PSME3: variants seen among roughly 807,000 people sequenced by gnomAD.
PSME3 encodes the protein proteasome activator subunit 3.
Under a neutral mutation model 38.3 loss-of-function variants are expected in PSME3, and 7 were observed. The observed-to-expected ratio is 0.18, with a 90% CI of 0.10 to 0.34. PSME3 has a LOEUF of 0.34. Ranked by LOEUF, PSME3 falls within the 10% of genes least tolerant of loss-of-function variation. PSME3 has a pLI of 1.00. For synonymous variants in PSME3, 108 were observed against 105.7 expected (o/e 1.02, Z -0.13); for missense variants, 192 against 307.6 (o/e 0.62, Z 2.81).
At chr17:42,834,125 G>T (rs573270808) in intron 1 of PSME3, 3 of 1,460,006 alleles carry the variant, frequency 2.1e-6, no homozygotes, top group Non-Finnish European at 2.7e-6. Flanking sequence ...AGGGAGGGAA[G>T]GGGGAGGACA....
At chr17:42,834,300 A>T (rs760737726) in intron 1 of PSME3, 44 bp from the exon 2 acceptor site, 1 of 1,613,622 alleles carries the variant, frequency 6.2e-7, no homozygotes, top group Admixed American at 1.7e-5. Context: ...TCCTGCTCTT[A>T]CCTCTGTCCC....
chr17:42,841,126 G>A (rs1193814532), intron 10 of PSME3, among the ~76,000 whole-genome samples: 4 of 137,000 alleles, frequency 2.9e-5, no homozygotes, highest in Non-Finnish European at 6.1e-5. Flanking sequence ...GAGCAAGACC[G>A]TGTCTCAAAA....
Position 42,842,545 on chromosome 17 carries a change from T to G in PSME3, c.*967T>G, listed in dbSNP as rs1216946362. On this transcript the variant is annotated 3_prime_UTR_variant, in exon 11 of 11. Transcript: ENST00000590720. ...GCCAGTTTTCAGTTGGGGTGAAGGT[T>G]TCTGCAAGTGTGAGGTCCAGATGCT... The G allele has an allele frequency of 1.3e-5, 2 of 152,912 alleles. No homozygotes were observed. The highest frequency in any genetic ancestry group is 2.9e-5 in the Non-Finnish European group (2 of 68,052). The allele number at this position is 152,912 out of a possible 1,614,324, so 9.5% of individuals were successfully genotyped here. A position where few individuals can be genotyped will look rare whatever the true frequency, so the allele number is the denominator to read the frequency against.
intron 4 of PSME3, among the ~76,000 whole-genome samples, chr17:42,837,102 A>T (rs928774908): frequency 6.6e-6 from 1 of 151,896 alleles, no homozygotes; most frequent in African/African-American, 2.4e-5. Flanking sequence ...CCCAGGCTGG[A>T]GTGCAGTGGT....
At chr17:42,836,157 A>C (rs1295489989) in intron 4 of PSME3, among the ~76,000 whole-genome samples, 2 of 151,830 alleles carry the variant, frequency 1.3e-5, no homozygotes, top group Non-Finnish European at 2.9e-5. Context: ...GGTGCACACC[A>C]CCACGCCCAG....
At chr17:42,834,286 T>G in intron 1 of PSME3, 58 bp from the exon 2 acceptor site, 1 of 1,612,266 alleles carries the variant, frequency 6.2e-7, no homozygotes, top group Non-Finnish European at 8.5e-7. Flanking sequence ...ATTGGGATTC[T>G]CCATCCTGCT....
intron 10 of PSME3, 24 bp from the exon 11 acceptor site, chr17:42,841,474 T>C: frequency 6.6e-7 from 1 of 1,503,958 alleles, no homozygotes. Context: ...AGATATGTGA[T>C]TCCCCTGATC....
chr17:42,839,070 C>T (rs770972368), intron 8 of PSME3, 42 bp from the exon 9 acceptor site: 1 of 1,594,040 alleles, frequency 6.3e-7, no homozygotes, highest in South Asian at 1.1e-5. Flanking sequence ...TGGGCACCAT[C>T]AAGGGTCTCC....
chr17:42,835,336 C>G (rs994190853), intron 4 of PSME3, among the ~76,000 whole-genome samples: 6 of 152,152 alleles, frequency 3.9e-5, no homozygotes, highest in African/African-American at 1.4e-4. Context: ...TGCACGGGGA[C>G]TCCAGTATAT....
intron 1 of PSME3, chr17:42,834,055 T>G (rs1454641506): frequency 2.8e-6 from 4 of 1,442,636 alleles, no homozygotes; most frequent in Non-Finnish European, 3.6e-6. Context: ...GCTCACATCT[T>G]CCCTAACTAC....
chr17:42,833,712 A>C lies in PSME3; in HGVS notation c.42+39A>C, dbSNP rs944073204. The stretch of plus-strand genomic sequence containing the variant: ...TCCGGCCTTTTTGCCCCTCGCTTTG[A>C]TCCCCCAGCAGTCTGACCGGCTTCC... On this transcript the variant is annotated intron_variant, in intron 1 of 10. Transcript: ENST00000590720. 4 of 1,613,990 alleles carry C rather than the reference A, an allele frequency of 2.5e-6. No homozygotes were observed. The Admixed American group carries it at 6.7e-5, about 27-fold the overall frequency.
intron 1 of PSME3, 118 bp downstream of exon 1, chr17:42,833,791 C>T (rs1327912469): frequency 1.9e-6 from 3 of 1,596,736 alleles, no homozygotes; most frequent in Non-Finnish European, 2.6e-6. Context: ...AGCTTCCGCT[C>T]GGCTCAGCCC....
intron 1 of PSME3, chr17:42,834,110 G>A: frequency 6.9e-7 from 1 of 1,455,522 alleles, no homozygotes; most frequent in Non-Finnish European, 9.0e-7. Flanking sequence ...TCAGACACAG[G>A]AGGAAGGGAG....
chr17:42,838,959 A>G lies in PSME3; in HGVS notation c.489A>G (p.Ala163=), dbSNP rs1270821983. 5.0e-6 allele frequency: 8 copies of G among 1,614,034 alleles called. No homozygotes were observed. Among genetic ancestry groups the G allele is most frequent in the Non-Finnish European group, 6.8e-6 (8 of 1,180,030 alleles). Residue 163 remains alanine, a synonymous_variant, in exon 8 of 11, where the codon GCA becomes GCG. Coordinates refer to ENST00000590720, the MANE Select transcript of PSME3 (RefSeq NM_005789.4). ...FGVSIQEETV[A]ELRTVESEAA... is the part of the protein sequence containing the mutation. ...GTTTGTTTTAGGAGGAAACAGTTGCAGAGCTAAGAACTGTTGAGAGTGAAG... is the reference window on the plus strand; with the variant it reads ...GTTTGTTTTAGGAGGAAACAGTTGCGGAGCTAAGAACTGTTGAGAGTGAAG...
Position 42,841,964 on chromosome 17 carries a change from A to T in PSME3, c.*386A>T. 6.3e-6 allele frequency: 1 copy of T among 158,580 alleles called. No homozygotes were observed. The highest frequency in any genetic ancestry group is 1.4e-5 in the Non-Finnish European group (1 of 71,782). 9.8% of individuals were successfully genotyped at this position (158,580 alleles called of 1,614,324 possible). A position where few individuals can be genotyped will look rare whatever the true frequency, so the allele number is the denominator to read the frequency against. On this transcript the variant is annotated 3_prime_UTR_variant, in exon 11 of 11. Coordinates refer to ENST00000590720, the MANE Select transcript of PSME3 (RefSeq NM_005789.4). ...TTAAAAGCTGAGGGAACCGGAAGGAAAGTGCTAGGTGTTTTTTAGGAACTA... is the reference window on the plus strand; with the variant it reads ...TTAAAAGCTGAGGGAACCGGAAGGATAGTGCTAGGTGTTTTTTAGGAACTA...
intron 6 of PSME3, 179 bp from the exon 7 acceptor site, chr17:42,838,552 A>G (rs1318755789): frequency 4.4e-6 from 3 of 686,610 alleles, no homozygotes; most frequent in East Asian, 2.7e-5. Context: ...TCCTGACCTC[A>G]GGTGATCCAC....
intron 1 of PSME3, chr17:42,834,051 A>G: frequency 2.1e-6 from 3 of 1,442,806 alleles, no homozygotes; most frequent in Non-Finnish European, 2.7e-6. Context: ...GTGAGCTCAC[A>G]TCTTCCCTAA....
chr17:42,840,165 C>T (rs946632044), intron 10 of PSME3, among the ~76,000 whole-genome samples: 5 of 150,488 alleles, frequency 3.3e-5, no homozygotes, highest in Non-Finnish European at 5.9e-5. Context: ...TGCCTTTAAT[C>T]GTAGCTACTG....
In PSME3 at chr17:42,842,353, G is replaced by C. The variant is rs1044207702; in HGVS notation, c.*775G>C. The stretch of plus-strand genomic sequence containing the variant: ...TTAGTTGTCATCTACCCAGACAAAC[G>C]TCCTGGGCCCGTCCTCCCTCCTGAT... On this transcript the variant is annotated 3_prime_UTR_variant, in exon 11 of 11. Transcript: ENST00000590720. 1.3e-5 allele frequency: 2 copies of C among 152,730 alleles called. No homozygotes were observed. Among genetic ancestry groups the C allele is most frequent in the South Asian group, 2.1e-4 (1 of 4,830 alleles). The allele number at this position is 152,730 out of a possible 1,614,324, so 9.5% of individuals were successfully genotyped here.
Sources: allele counts gnomAD v4.1 joint callset (sites outside exome capture counted in the v4.1 genomes callset), GRCh38; gene constraint gnomAD v4.1.1; transcripts MANE v1.5; gene names NCBI Gene and HGNC (gene_info 2026-07-23, HGNC 2026-07-21).